CCM2: variants seen among roughly 807,000 people sequenced by gnomAD.
CCM2 encodes cerebral cavernous malformations 2 protein.
In CCM2, 25 loss-of-function variants were observed where a neutral mutation model predicts 44.9. That is an observed-to-expected ratio of 0.56 (90% CI 0.41 to 0.78). The LOEUF (loss-of-function observed/expected upper bound fraction) is 0.78. Ranked by LOEUF, CCM2 falls within the 30% of genes least tolerant of loss-of-function variation. The probability of loss-of-function intolerance (pLI) is 0.00; values close to 1 mark genes in which losing one functional copy is unlikely to be tolerated. For missense variants in CCM2, 481 were observed against 580.6 expected, an observed-to-expected ratio of 0.83 and a Z score of 1.76; for synonymous variants, 219 against 241.1, an observed-to-expected ratio of 0.91 and a Z score of 0.85.
chr7:45,068,711 C>A, intron 5 of CCM2, 132 bp downstream of exon 5: 1 of 1,148,764 alleles, frequency 8.7e-7, no homozygotes, highest in Non-Finnish European at 1.3e-6. Flanking sequence ...CTGCCATTGC[C>A]TGTCCCTGCC....
intron 2 of CCM2, among the ~76,000 whole-genome samples, chr7:45,055,690 A>T (rs1798225003): frequency 6.6e-6 from 1 of 152,212 alleles, no homozygotes; most frequent in Admixed American, 6.5e-5. Context: ...TCCATCTCAA[A>T]AAAAAGATTT....
At chr7:45,064,051 C>G (rs1192478061) in intron 3 of CCM2, 50 bp downstream of exon 3, 2 of 1,316,656 alleles carry the variant, frequency 1.5e-6, no homozygotes, top group African/African-American at 2.9e-5. Context: ...CCCCACCAGC[C>G]CTTGGTCCCT....
intron 1 of CCM2, among the ~76,000 whole-genome samples, chr7:45,012,390 T>G (rs1796101092): frequency 6.6e-6 from 1 of 152,090 alleles, no homozygotes; most frequent in Non-Finnish European, 1.5e-5. Context: ...CGCCTCGGCC[T>G]CCCAAAGTGC....
At chr7:45,000,522 G>A (rs1260992457) in intron 1 of CCM2, among the ~76,000 whole-genome samples, 159 bp downstream of exon 1, 1 of 151,256 alleles carries the variant, frequency 6.6e-6, no homozygotes, top group Non-Finnish European at 1.5e-5. Flanking sequence ...ACAATGGTCA[G>A]GTGGGCTTTC....
At chr7:45,014,941 T>C (rs1293798108) in intron 1 of CCM2, among the ~76,000 whole-genome samples, 1 of 152,190 alleles carries the variant, frequency 6.6e-6, no homozygotes, top group Non-Finnish European at 1.5e-5. Context: ...CATTTTTAAG[T>C]GTACAGTTCA....
chr7:45,050,307 CAAT>C (rs1358602888), intron 2 of CCM2, among the ~76,000 whole-genome samples: 2 of 152,154 alleles, frequency 1.3e-5, no homozygotes, highest in Non-Finnish European at 2.9e-5. Flanking sequence ...GATGTTCACT[CAAT>C]GATGAAATTG....
rs1470265159 is a variant in CCM2 at position 45,045,398 on chromosome 7, C to T, written c.204+6972C>T. Among the ~76,000 whole-genome samples, 13 of 152,102 alleles carry T rather than the reference C, an allele frequency of 8.5e-5. No homozygotes were observed. The East Asian group carries it at 2.3e-3, about 27-fold the overall frequency. On this transcript the variant is annotated intron_variant, in intron 2 of 9. Transcript: ENST00000258781. Reference sequence around the variant, plus strand: ...AATCACCGCTTAAAAAAATGTAATCCATCATATTAACAAGCTAAAGAAGAA... The same window carrying T: ...AATCACCGCTTAAAAAAATGTAATCTATCATATTAACAAGCTAAAGAAGAA...
At chr7:45,063,835 T>G in intron 2 of CCM2, 83 bp from the exon 3 acceptor site, 3 of 941,258 alleles carry the variant, frequency 3.2e-6, no homozygotes, top group Non-Finnish European at 5.3e-6. Context: ...ATGAAGCACT[T>G]GGTTTGTGCT....
chr7:45,059,244 G>A (rs1001641992), intron 2 of CCM2, among the ~76,000 whole-genome samples: 1 of 151,902 alleles, frequency 6.6e-6, no homozygotes, highest in Non-Finnish European at 1.5e-5. Context: ...TGGTCGTGGT[G>A]TATAATTATT....
chr7:45,024,497 C>T (rs1227450361), intron 1 of CCM2, among the ~76,000 whole-genome samples: 1 of 152,190 alleles, frequency 6.6e-6, no homozygotes, highest in Non-Finnish European at 1.5e-5. Flanking sequence ...GTTGGTTCCA[C>T]TGTTTCTTGG....
intron 1 of CCM2, among the ~76,000 whole-genome samples, chr7:45,006,461 G>A (rs1318158552): frequency 1.3e-5 from 2 of 151,726 alleles, no homozygotes; most frequent in Admixed American, 6.6e-5. Flanking sequence ...CTCCTGCCTC[G>A]GCCTCCTGAG....
chr7:45,009,466 G>A (rs1362777497), intron 1 of CCM2, among the ~76,000 whole-genome samples: 2 of 135,424 alleles, frequency 1.5e-5, no homozygotes, highest in African/African-American at 2.8e-5. Flanking sequence ...GTGCAATGGC[G>A]TGATTTCGGC....
intron 2 of CCM2, among the ~76,000 whole-genome samples, chr7:45,042,922 T>G (rs1047140039): frequency 2.6e-5 from 4 of 151,794 alleles, no homozygotes; most frequent in South Asian, 2.1e-4. Flanking sequence ...GGGAGGGAAC[T>G]CTTCTGTTCT....
intron 1 of CCM2, among the ~76,000 whole-genome samples, chr7:45,017,140 T>C (rs1269709537): frequency 6.6e-6 from 1 of 152,248 alleles, no homozygotes; most frequent in Non-Finnish European, 1.5e-5. Context: ...GGTAAACATC[T>C]GTCATGGGGA....
chr7:45,008,197 G>A (rs1399149216), intron 1 of CCM2, among the ~76,000 whole-genome samples: 1 of 151,828 alleles, frequency 6.6e-6, no homozygotes, highest in African/African-American at 2.4e-5. Context: ...GTGTTCCCAT[G>A]CCCGGCTAAT....
chr7:45,035,469 C>T (rs1003533996), intron 1 of CCM2, among the ~76,000 whole-genome samples: 1 of 151,962 alleles, frequency 6.6e-6, no homozygotes, highest in East Asian at 1.9e-4. Flanking sequence ...TATTCCAGGT[C>T]AAAGGGGAGA....
At chr7:45,063,553 G>A (rs1254468534) in intron 2 of CCM2, among the ~76,000 whole-genome samples, 1 of 152,178 alleles carries the variant, frequency 6.6e-6, no homozygotes, top group African/African-American at 2.4e-5. Context: ...TGTGCATGAT[G>A]CCATTGTTTT....
chr7:45,044,348 G>T (rs1265721444), intron 2 of CCM2, among the ~76,000 whole-genome samples: 1 of 152,142 alleles, frequency 6.6e-6, no homozygotes, highest in African/African-American at 2.4e-5. Context: ...GTGTTGGTCA[G>T]GATGGTCTCG....
At chr7:45,041,649 G>T (rs1414739939) in intron 2 of CCM2, among the ~76,000 whole-genome samples, 1 of 152,220 alleles carries the variant, frequency 6.6e-6, no homozygotes, top group East Asian at 1.9e-4. Context: ...AACCAAACAT[G>T]ATAGAAAGGA....
Sources: gnomAD v4.1 joint callset for allele counts (sites outside exome capture counted in the v4.1 genomes callset) on GRCh38, gnomAD v4.1.1 for gene constraint, MANE v1.5 for transcripts, NCBI Gene and HGNC (gene_info 2026-07-23, HGNC 2026-07-21) for gene names.